PDGFRL: variants seen among roughly 807,000 people sequenced by gnomAD.
The protein encoded by PDGFRL is platelet-derived growth factor receptor-like protein.
A neutral mutation model predicts 37.2 loss-of-function variants in PDGFRL; 46 were observed. The ratio of observed to expected loss-of-function variants is 1.24; its 90% CI spans 0.98 to 1.58. The LOEUF (loss-of-function observed/expected upper bound fraction) is 1.58, where lower values mean the gene tolerates loss of function less well. Among genes scored for constraint, PDGFRL ranks in the 40% most tolerant of loss-of-function variants. PDGFRL has a pLI of 0.00. For missense variants in PDGFRL, 692 were observed against 467.6 expected (o/e 1.48, Z -4.43); for synonymous variants, 251 against 184.3 (o/e 1.36, Z -2.93).
intron 2 of PDGFRL, among the ~76,000 whole-genome samples, chr8:17,602,945 C>T (rs997653717): frequency 4.6e-5 from 7 of 152,212 alleles, no homozygotes; most frequent in African/African-American, 1.7e-4. Flanking sequence ...GTATTTTAAA[C>T]AGTATAGAAT....
chr8:17,637,294 G>C (rs1184294734), intron 5 of PDGFRL, among the ~76,000 whole-genome samples: 1 of 152,130 alleles, frequency 6.6e-6, no homozygotes, highest in East Asian at 1.9e-4. Context: ...ATCATAAAGG[G>C]ATGCTGGATT....
In PDGFRL at chr8:17,628,554, G is replaced by A. The variant is rs1051767183; in HGVS notation, c.573G>A (p.Gln191=). The A allele has an allele frequency of 5.6e-6, 9 of 1,613,854 alleles. No homozygotes were observed. The African/African-American group carries it at 1.1e-4, about 19-fold the overall frequency. The change falls in exon 4 of 6, where the codon CAG becomes CAA. Residue 191 remains glutamine, a synonymous_variant. Coordinates refer to ENST00000251630, the MANE Select transcript of PDGFRL (RefSeq NM_001372073.1). ...TTGTCTACTTGAACCCGGACAGACAGGCTGTGGTTCCTTGTCGGGTGACCG... is the reference window on the plus strand; with the variant it reads ...TTGTCTACTTGAACCCGGACAGACAAGCTGTGGTTCCTTGTCGGGTGACCG... The part of the protein sequence containing the change: ...FDVVYLNPDR[Q]AVVPCRVTVL...
intron 1 of PDGFRL, among the ~76,000 whole-genome samples, chr8:17,579,129 A>G (rs1803652746): frequency 6.6e-6 from 1 of 152,134 alleles, no homozygotes; most frequent in Non-Finnish European, 1.5e-5. Flanking sequence ...CCTGGGAGGC[A>G]GAGGTTGCAG....
chr8:17,587,380 G>C (rs913578789), intron 1 of PDGFRL, among the ~76,000 whole-genome samples: 3 of 152,084 alleles, frequency 2.0e-5, no homozygotes, highest in Non-Finnish European at 4.4e-5. Flanking sequence ...AATTCCATAG[G>C]ATTTACAGAT....
At chr8:17,610,179 C>G (rs1181929698) in intron 2 of PDGFRL, among the ~76,000 whole-genome samples, 1 of 152,200 alleles carries the variant, frequency 6.6e-6, no homozygotes, top group Non-Finnish European at 1.5e-5. Flanking sequence ...ACTCATCTTC[C>G]AGGGCCGATT....
intron 5 of PDGFRL, 62 bp from the exon 6 acceptor site, chr8:17,642,551 G>A (rs1214875888): frequency 4.1e-6 from 4 of 976,706 alleles, no homozygotes; most frequent in Non-Finnish European, 4.9e-6. Flanking sequence ...TGTTGGGTGA[G>A]TGGGAGCTCT....
In PDGFRL at chr8:17,638,867, T is replaced by C. The variant is rs533518678; in HGVS notation, c.940-3746T>C. 1.2e-4 allele frequency among the ~76,000 whole-genome samples: 18 copies of C among 150,086 alleles called. No homozygotes were observed. The South Asian group carries it at 3.8e-3, about 32-fold the overall frequency. ...TTCTCTTTTTTAACTGCTGTTTCTT[T>C]AACGTTTGTTCTGTCTGATATAAGA... is the stretch of plus-strand genomic sequence containing the variant. On this transcript the variant is annotated intron_variant, in intron 5 of 5. Transcript: ENST00000251630.
chr8:17,589,449 C>G lies in PDGFRL; in HGVS notation c.56-19C>G. On this transcript the variant is annotated intron_variant, in intron 1 of 5. Coordinates refer to ENST00000251630, the MANE Select transcript of PDGFRL (RefSeq NM_001372073.1). ...AATGTCATTACTACAGCGCATTTCT[C>G]TCTCCTTACGTTTTGCAGTTACTGG... 1.3e-6 allele frequency: 2 copies of G among 1,586,896 alleles called. No homozygotes were observed. Among genetic ancestry groups the G allele is most frequent in the Non-Finnish European group, 1.7e-6 (2 of 1,162,932 alleles).
At chr8:17,611,393 G>A (rs7815273) in intron 2 of PDGFRL, among the ~76,000 whole-genome samples, 3,387 of 152,292 alleles carry the variant, frequency 0.022, 131 homozygotes, top group African/African-American at 0.076. Flanking sequence ...CACATAGCCA[G>A]TAACTGGTAG....
intron 2 of PDGFRL, among the ~76,000 whole-genome samples, chr8:17,601,219 A>G (rs1804159546): frequency 6.6e-6 from 1 of 152,194 alleles, no homozygotes; most frequent in African/African-American, 2.4e-5. Flanking sequence ...TGTAGTCTCT[A>G]ACCTTAGAGG....
chr8:17,601,364 G>A (rs756523138), intron 2 of PDGFRL, among the ~76,000 whole-genome samples: 1 of 152,164 alleles, frequency 6.6e-6, no homozygotes, highest in Non-Finnish European at 1.5e-5. Context: ...TCAGGCCCCT[G>A]AGATCATGTG....
chr8:17,602,292 G>C (rs903277442), intron 2 of PDGFRL, among the ~76,000 whole-genome samples: 1 of 152,172 alleles, frequency 6.6e-6, no homozygotes, highest in Non-Finnish European at 1.5e-5. Flanking sequence ...GAGTCATAGA[G>C]GAGATGTGGC....
At position 17,577,424 on chromosome 8, in the gene PDGFRL, C is replaced by T. The variant is rs1380229242; in HGVS notation, c.55+117C>T. The T allele has an allele frequency of 3.1e-5, 26 of 848,660 alleles. 1 individual carries two copies. Among genetic ancestry groups the T allele is most frequent in the Admixed American group, 2.0e-5 (1 of 49,796 alleles). The allele number at this position is 848,660 out of a possible 1,614,324, so 52.6% of individuals were successfully genotyped here. On this transcript the variant is annotated intron_variant, in intron 1 of 5. Coordinates refer to ENST00000251630, the MANE Select transcript of PDGFRL (RefSeq NM_001372073.1). ...TAACGTTCGGCCCTCGGTGGCTCAG[C>T]CCCCGCGCCACTGCCTGCCCGGTGC...
intron 5 of PDGFRL, among the ~76,000 whole-genome samples, chr8:17,642,331 C>G (rs913543316): frequency 2.2e-4 from 33 of 152,078 alleles, no homozygotes; most frequent in African/African-American, 7.7e-4. Context: ...CCTTGGAGTT[C>G]TAAAAGCATA....
chr8:17,596,300 C>T, intron 2 of PDGFRL: 1 of 1,184,032 alleles, frequency 8.4e-7, no homozygotes, highest in Non-Finnish European at 1.1e-6. Context: ...AGATCGGCTG[C>T]CAGGCTGCTC....
intron 3 of PDGFRL, among the ~76,000 whole-genome samples, chr8:17,623,334 C>T (rs1211731123): frequency 6.6e-6 from 1 of 152,152 alleles, no homozygotes; most frequent in Non-Finnish European, 1.5e-5. Context: ...CTCTTTGGAT[C>T]TTCATTTTGG....
At chr8:17,606,886 GTTT>G in intron 2 of PDGFRL, among the ~76,000 whole-genome samples, 1 of 138,272 alleles carries the variant, frequency 7.2e-6, no homozygotes, top group Middle Eastern at 3.6e-3. Context: ...TTCGTTTTTT[GTTT>G]TTTTGTTTTT....
chr8:17,600,558 G>A (rs1330984266), intron 2 of PDGFRL, among the ~76,000 whole-genome samples: 2 of 151,934 alleles, frequency 1.3e-5, no homozygotes, highest in Non-Finnish European at 2.9e-5. Context: ...CTAGCAACAG[G>A]GGAGGCCAAG....
At chr8:17,616,179 T>G (rs1804522723) in intron 2 of PDGFRL, among the ~76,000 whole-genome samples, 1 of 140,184 alleles carries the variant, frequency 7.1e-6, no homozygotes, top group African/African-American at 2.5e-5. Context: ...ATTATTTATT[T>G]ATTTATTTAT....
Sources: allele counts gnomAD v4.1 joint callset (sites outside exome capture counted in the v4.1 genomes callset), GRCh38; gene constraint gnomAD v4.1.1; transcripts MANE v1.5; gene names NCBI Gene and HGNC (gene_info 2026-07-23, HGNC 2026-07-21).